Variants in PIP5K1C observed in about 807,000 individuals in gnomAD.
PIP5K1C encodes the protein phosphatidylinositol-4-phosphate 5-kinase type 1 gamma, also known as phosphatidylinositol 4-phosphate 5-kinase type-1 gamma.
In PIP5K1C, 45 loss-of-function variants were observed where a neutral mutation model predicts 80.1. That is an observed-to-expected ratio of 0.56 (90% CI 0.44 to 0.72). The LOEUF (loss-of-function observed/expected upper bound fraction) is 0.72, where lower values mean the gene tolerates loss of function less well. Among genes scored for constraint, PIP5K1C ranks in the 30% least tolerant of loss-of-function variants. PIP5K1C has a pLI of 0.00. For missense variants in PIP5K1C, 753 were observed against 954.6 expected, an observed-to-expected ratio of 0.79 and a Z score of 2.78; for synonymous variants, 498 against 420.1, an observed-to-expected ratio of 1.19 and a Z score of -2.27.
chr19:3,677,780 T>C (rs1376669837), intron 1 of PIP5K1C, among the ~76,000 whole-genome samples: 3 of 32,450 alleles, frequency 9.2e-5, no homozygotes, highest in East Asian at 1.0e-3. Context: ...GATGGAGGGA[T>C]GGAGGGAGGG....
intron 1 of PIP5K1C, among the ~76,000 whole-genome samples, chr19:3,677,439 C>T (rs867306402): frequency 3.3e-5 from 5 of 151,702 alleles, no homozygotes; most frequent in African/African-American, 7.3e-5. Flanking sequence ...AAAAATTAGG[C>T]GGGTGTGGTG....
intron 5 of PIP5K1C, among the ~76,000 whole-genome samples, chr19:3,658,041 A>G (rs973869134): frequency 9.9e-5 from 15 of 152,216 alleles, no homozygotes; most frequent in African/African-American, 3.6e-4. Context: ...TGATCTGTGA[A>G]TATGTTTGGG....
intron 13 of PIP5K1C, 80 bp downstream of exon 13, chr19:3,643,162 GC>G: frequency 6.3e-7 from 1 of 1,593,268 alleles, no homozygotes; most frequent in Admixed American, 1.7e-5. Flanking sequence ...CACAGCGGAT[GC>G]CCCGCCCACA....
chr19:3,664,699 C>A (rs575486854), intron 3 of PIP5K1C, 123 bp downstream of exon 3: 20 of 855,792 alleles, frequency 2.3e-5, no homozygotes, highest in Admixed American at 3.5e-5. Flanking sequence ...ACAGCCCACA[C>A]CTGTCCCTGG....
intron 1 of PIP5K1C, among the ~76,000 whole-genome samples, chr19:3,689,557 C>G (rs1240553408): frequency 6.6e-6 from 1 of 152,002 alleles, no homozygotes; most frequent in Non-Finnish European, 1.5e-5. Context: ...GCTGAGGCAG[C>G]AGAATTGCTT....
chr19:3,683,552 G>A (rs1260414282), intron 1 of PIP5K1C, among the ~76,000 whole-genome samples: 5 of 152,240 alleles, frequency 3.3e-5, no homozygotes, highest in South Asian at 4.1e-4. Flanking sequence ...TGTGACGTAG[G>A]CACTATTACT....
chr19:3,684,848 GCT>G (rs375422781), intron 1 of PIP5K1C, among the ~76,000 whole-genome samples: 465 of 152,336 alleles, frequency 3.1e-3, no homozygotes, highest in Middle Eastern at 0.01. Flanking sequence ...GAGAACTCAA[GCT>G]CTTAGTGCCA....
intron 1 of PIP5K1C, among the ~76,000 whole-genome samples, chr19:3,680,198 T>TCATCCATC (rs374893774): frequency 3.9e-5 from 6 of 152,250 alleles, no homozygotes; most frequent in Middle Eastern, 3.4e-3. Context: ...GTTCATCCGT[T>TCATCCATC]CATCCATCCA....
chr19:3,636,862 C>A, intron 16 of PIP5K1C: 5 of 993,800 alleles, frequency 5.0e-6, no homozygotes, highest in Non-Finnish European at 6.0e-6. Context: ...TCTCTGGGCC[C>A]CTTGCTTATT....
At chr19:3,670,874 G>A (rs780651250) in intron 1 of PIP5K1C, among the ~76,000 whole-genome samples, 22 of 152,204 alleles carry the variant, frequency 1.4e-4, no homozygotes, top group Non-Finnish European at 2.9e-4. Context: ...CCACGGTGAA[G>A]GGAAAGACGG....
chr19:3,641,214 C>CA (rs1330153937), intron 15 of PIP5K1C, among the ~76,000 whole-genome samples: 1 of 150,742 alleles, frequency 6.6e-6, no homozygotes, highest in Non-Finnish European at 1.5e-5. Flanking sequence ...TATCCTGTCT[C>CA]ACAAAAAAAA....
At chr19:3,670,288 G>GA (rs1349195648) in intron 1 of PIP5K1C, among the ~76,000 whole-genome samples, 3 of 152,178 alleles carry the variant, frequency 2.0e-5, no homozygotes, top group Admixed American at 6.5e-5. Context: ...TATTTGGAAA[G>GA]AGAGTCTTTG....
intron 1 of PIP5K1C, among the ~76,000 whole-genome samples, chr19:3,686,083 G>A (rs1055874751): frequency 6.6e-6 from 1 of 152,048 alleles, no homozygotes; most frequent in Non-Finnish European, 1.5e-5. Flanking sequence ...AAACTCCTGG[G>A]CTCAACTGAT....
At chr19:3,665,736 C>G (rs544713997) in intron 2 of PIP5K1C, among the ~76,000 whole-genome samples, 6 of 152,130 alleles carry the variant, frequency 3.9e-5, no homozygotes, top group Non-Finnish European at 8.8e-5. Flanking sequence ...CAGATGGGAC[C>G]GCCGACCCCA....
At chr19:3,673,487 C>A (rs557672655) in intron 1 of PIP5K1C, among the ~76,000 whole-genome samples, 2 of 152,186 alleles carry the variant, frequency 1.3e-5, no homozygotes, top group African/African-American at 4.8e-5. Context: ...GAGAAAGGGG[C>A]GGCAGTGGGA....
rs1263640826 is a variant in PIP5K1C, at chr19:3,643,360, C to T, written c.1532G>A (p.Cys511Tyr). The change falls in exon 13 of 18, where the codon TGC becomes TAC. Residue 511 changes from cysteine (C) to tyrosine (Y), a missense_variant. Transcript: ENST00000335312. The stretch of plus-strand genomic sequence containing the variant: ...GGCTTCTTCGAAAGAAGGTGGCGTG[C>T]AGGGCAGGAGGTCGGGCCGGCCTGA... ...EDEGRPDLLP[C>Y]TPPSFEEATT... 2 of 1,613,708 alleles carry T rather than the reference C, an allele frequency of 1.2e-6. No individual in the cohort carries two copies. The highest frequency in any genetic ancestry group is 2.2e-5 in the South Asian group (2 of 91,090).
intron 5 of PIP5K1C, among the ~76,000 whole-genome samples, chr19:3,658,100 G>C (rs1282797312): frequency 6.6e-6 from 1 of 152,220 alleles, no homozygotes; most frequent in Non-Finnish European, 1.5e-5. Flanking sequence ...CAGGGCCTGG[G>C]AATGCCCCAG....
rs560395053 is a variant in PIP5K1C, at chr19:3,665,684, G to A, written c.127-770C>T. On this transcript the variant is annotated intron_variant, in intron 2 of 17. Coordinates refer to ENST00000335312, the MANE Select transcript of PIP5K1C (RefSeq NM_012398.3). ...GAGATGGTCTCACTGGCCAGGGTCA[G>A]GCCCGGCTCCTGCAAGCTGTCGGGC... 8.5e-5 allele frequency among the ~76,000 whole-genome samples: 13 copies of A among 152,248 alleles called. No homozygotes were observed. The South Asian group carries it at 2.7e-3, about 32-fold the overall frequency.
At position 3,696,618 on chromosome 19, in the gene PIP5K1C, G is replaced by T. The variant is rs1279571223; in HGVS notation, c.94+3679C>A. On this transcript the variant is annotated intron_variant, in intron 1 of 17. Transcript: ENST00000335312. The surrounding 1 kb of genome is among the most constrained non-coding windows in gnomAD (Gnocchi z 4.1). ...AGGGGCATTCCGGGGTGGGGGTGGG[G>T]GGCAGCCGTGCAAAGGCCCCGGGGC... is the stretch of plus-strand genomic sequence containing the variant. 3.3e-5 allele frequency among the ~76,000 whole-genome samples: 5 copies of T among 151,550 alleles called. No homozygotes were observed. The highest frequency in any genetic ancestry group is 5.9e-5 in the Non-Finnish European group (4 of 67,872).
Sources: gnomAD v4.1 joint callset for allele counts (sites outside exome capture counted in the v4.1 genomes callset) on GRCh38, gnomAD v4.1.1 for gene constraint, Gnocchi (gnomAD v3.1) non-coding constraint, MANE v1.5 for transcripts, NCBI Gene and HGNC (gene_info 2026-07-23, HGNC 2026-07-21) for gene names.